The following PPP2R2B variants were observed in gnomAD, a reference collection of about 807,000 sequenced individuals.
PPP2R2B encodes protein phosphatase 2 regulatory subunit Bbeta.
In PPP2R2B, 5 loss-of-function variants were observed where a neutral mutation model predicts 46.0. That is an observed-to-expected ratio of 0.11 (90% CI 0.06 to 0.23). The LOEUF is 0.23. Among genes scored for constraint, PPP2R2B ranks in the 10% least tolerant of loss-of-function variants. The pLI is 1.00. For missense variants in PPP2R2B, 367 were observed against 575.0 expected (o/e 0.64, Z 3.70); for synonymous variants, 215 against 206.7 (o/e 1.04, Z -0.34).
chr5:146,884,089 G>GTTTTTTT (rs372611320), intron 1 of PPP2R2B, among the ~76,000 whole-genome samples: 4 of 104,690 alleles, frequency 3.8e-5, no homozygotes, highest in African/African-American at 7.7e-5. Context: ...TAAATTCAGG[G>GTTTTTTT]TTTTTTTTTT....
chr5:146,760,770 C>T (rs907681218), intron 2 of PPP2R2B, among the ~76,000 whole-genome samples: 12 of 152,092 alleles, frequency 7.9e-5, no homozygotes, highest in Middle Eastern at 6.8e-3. Flanking sequence ...ACCCTTGACT[C>T]GCATAGTTGA....
intron 1 of PPP2R2B, among the ~76,000 whole-genome samples, chr5:146,900,587 C>CTTCCTTCCTTCCTTCCTTCTTTCT (rs71001408): frequency 8.9e-6 from 1 of 112,248 alleles, no homozygotes; most frequent in African/African-American, 4.0e-5. Context: ...TCCTTCCTTC[C>CTTCCTTCCTTCCTTCCTTCTTTCT]TTCCTTCTTT....
chr5:146,797,041 T>G (rs899181315), intron 2 of PPP2R2B, among the ~76,000 whole-genome samples: 4 of 152,190 alleles, frequency 2.6e-5, no homozygotes, highest in Non-Finnish European at 5.9e-5. Flanking sequence ...AGTTGACCCT[T>G]TGTTAGCTCT....
intron 1 of PPP2R2B, among the ~76,000 whole-genome samples, chr5:147,005,619 A>G (rs550287522): frequency 6.6e-6 from 1 of 152,288 alleles, no homozygotes; most frequent in East Asian, 1.9e-4. Context: ...GAACAGCAGC[A>G]TAAGCAGCTG....
intron 1 of PPP2R2B, among the ~76,000 whole-genome samples, chr5:147,016,551 T>TC (rs1755014180): frequency 6.6e-6 from 1 of 150,498 alleles, no homozygotes; most frequent in Non-Finnish European, 1.5e-5. Context: ...TGAGAAAACA[T>TC]AGGGGACACA....
intron 2 of PPP2R2B, among the ~76,000 whole-genome samples, chr5:147,063,695 T>C (rs1309217700): frequency 6.6e-6 from 1 of 152,186 alleles, no homozygotes; most frequent in Non-Finnish European, 1.5e-5. Context: ...GAAACAATAT[T>C]TTAAAAGGAT....
chr5:146,753,352 A>G (rs1031907440), intron 2 of PPP2R2B, among the ~76,000 whole-genome samples: 8 of 152,150 alleles, frequency 5.3e-5, no homozygotes, highest in Admixed American at 3.9e-4. Context: ...TCTCCCACAC[A>G]CAGAGAATAG....
chr5:146,650,834 G>A, intron 5 of PPP2R2B, 110 bp from the exon 6 acceptor site: 1 of 991,652 alleles, frequency 1.0e-6, no homozygotes, highest in Middle Eastern at 3.2e-4. Context: ...CCACATTGAA[G>A]AAACTCCAAG....
At chr5:146,726,618 G>C (rs1440863825) in intron 2 of PPP2R2B, among the ~76,000 whole-genome samples, 2 of 152,132 alleles carry the variant, frequency 1.3e-5, no homozygotes, top group Non-Finnish European at 2.9e-5. Context: ...TAGGTAACTT[G>C]CCTAACATCC....
intron 2 of PPP2R2B, among the ~76,000 whole-genome samples, chr5:146,869,309 G>A (rs1306305876): frequency 6.6e-6 from 1 of 152,176 alleles, no homozygotes; most frequent in Admixed American, 6.5e-5. Flanking sequence ...AATCAGGAAG[G>A]AGGACATTTA....
At chr5:146,806,436 G>C (rs1384500696) in intron 2 of PPP2R2B, among the ~76,000 whole-genome samples, 1 of 152,070 alleles carries the variant, frequency 6.6e-6, no homozygotes, top group East Asian at 1.9e-4. Context: ...GTATTGCTCA[G>C]CTTGTAAAAT....
intron 2 of PPP2R2B, among the ~76,000 whole-genome samples, chr5:146,848,948 C>T (rs552860210): frequency 6.6e-6 from 1 of 152,224 alleles, no homozygotes; most frequent in Non-Finnish European, 1.5e-5. Context: ...TATTTTATTG[C>T]TCGGATTGTT....
intron 1 of PPP2R2B, among the ~76,000 whole-genome samples, chr5:146,978,002 A>C (rs1409808401): frequency 6.6e-6 from 1 of 152,200 alleles, no homozygotes; most frequent in Non-Finnish European, 1.5e-5. Flanking sequence ...ACAGTGTAAA[A>C]GCATTCCTAT....
chr5:146,953,583 A>G (rs565446967), intron 1 of PPP2R2B, among the ~76,000 whole-genome samples: 1 of 152,214 alleles, frequency 6.6e-6, no homozygotes, highest in Non-Finnish European at 1.5e-5. Flanking sequence ...AAAGTGATAC[A>G]AAACTGAATT....
intron 1 of PPP2R2B, among the ~76,000 whole-genome samples, chr5:146,903,590 G>A (rs1234548749): frequency 2.6e-5 from 4 of 151,738 alleles, no homozygotes; most frequent in African/African-American, 9.7e-5. Context: ...TTGAGATGGG[G>A]TTTCGCCATG....
intron 1 of PPP2R2B, among the ~76,000 whole-genome samples, chr5:147,019,874 G>A (rs896548004): frequency 3.3e-5 from 5 of 152,114 alleles, no homozygotes; most frequent in Non-Finnish European, 7.4e-5. Flanking sequence ...GAGAGCTATG[G>A]GAATACACCG....
intron 1 of PPP2R2B, among the ~76,000 whole-genome samples, chr5:147,004,174 C>T (rs1251190971): frequency 6.6e-6 from 1 of 152,142 alleles, no homozygotes; most frequent in African/African-American, 2.4e-5. Context: ...GGCTTGTTAC[C>T]AGTGTGGTTT....
chr5:146,813,822 G>C (rs1398008382), intron 2 of PPP2R2B, among the ~76,000 whole-genome samples: 1 of 152,130 alleles, frequency 6.6e-6, no homozygotes, highest in Non-Finnish European at 1.5e-5. Context: ...AGGGTTGACA[G>C]GCAGCAAGAG....
intron 4 of PPP2R2B, among the ~76,000 whole-genome samples, chr5:146,697,199 A>C (rs969210365): frequency 6.6e-5 from 10 of 152,168 alleles, no homozygotes; most frequent in Admixed American, 6.5e-4. Context: ...TTAATTTTTA[A>C]ATACGAATCC....
Sources: gnomAD v4.1 joint callset for allele counts (sites outside exome capture counted in the v4.1 genomes callset) on GRCh38, gnomAD v4.1.1 for gene constraint, MANE v1.5 for transcripts, NCBI Gene and HGNC (gene_info 2026-07-23, HGNC 2026-07-21) for gene names.